Variants in SLC36A1 observed in about 807,000 individuals in gnomAD.
The protein encoded by SLC36A1 is solute carrier family 36 member 1.
In SLC36A1, 30 loss-of-function variants were observed where a neutral mutation model predicts 47.5. That is an observed-to-expected ratio of 0.63 (90% CI 0.47 to 0.86). The LOEUF (loss-of-function observed/expected upper bound fraction) is 0.86. Ranked by LOEUF, SLC36A1 falls within the 40% of genes least tolerant of loss-of-function variation. SLC36A1 has a pLI of 0.00. For missense variants in SLC36A1, 517 were observed against 606.0 expected (o/e 0.85, Z 1.54); for synonymous variants, 255 against 249.7 (o/e 1.02, Z -0.20).
chr5:151,381,146 G>A, the SLC36A1 span: 1 of 478,998 alleles, frequency 2.1e-6, no homozygotes. Context: ...GGATGAGCTG[G>A]CCATGGCTGT....
chr5:151,390,362 A>G, the SLC36A1 span, among the ~76,000 whole-genome samples: 1 of 152,136 alleles, frequency 6.6e-6, no homozygotes, highest in African/African-American at 2.4e-5. Flanking sequence ...AGGTTGCCTG[A>G]TCACTCTGAC....
chr5:151,451,631 A>G (rs1753674711), intron 1 of SLC36A1, among the ~76,000 whole-genome samples: 1 of 152,222 alleles, frequency 6.6e-6, no homozygotes, highest in African/African-American at 2.4e-5. Context: ...TCCAGGCAAC[A>G]TATCTAACAT....
At chr5:151,381,105 C>A in the SLC36A1 span, 1 of 500,246 alleles carries the variant, frequency 2.0e-6, no homozygotes, top group Non-Finnish European at 3.7e-6. Flanking sequence ...ACCACCTCTG[C>A]CATCCTCCAG....
At chr5:151,433,996 A>G (rs1759623077), upstream of SLC36A1, among the ~76,000 whole-genome samples, 1 of 152,194 alleles carries the variant, frequency 6.6e-6, no homozygotes, top group Non-Finnish European at 1.5e-5. Context: ...TCTGTTCCAC[A>G]GTCTACTTCA....
chr5:151,447,355 T>G (rs2127445191), upstream of SLC36A1, among the ~76,000 whole-genome samples: 1 of 152,326 alleles, frequency 6.6e-6, no homozygotes, highest in East Asian at 1.9e-4. Flanking sequence ...TAGCAATATT[T>G]CACAAACCCA....
intron 9 of SLC36A1, 170 bp downstream of exon 9, chr5:151,476,926 T>C (rs1758144230): frequency 6.0e-6 from 5 of 838,490 alleles, no homozygotes; most frequent in African/African-American, 1.7e-5. Context: ...GCATTCTGTT[T>C]GGGGAATTCA....
At chr5:151,537,989 C>T in the SLC36A1 span, 7 of 1,577,110 alleles carry the variant, frequency 4.4e-6, no homozygotes, top group Non-Finnish European at 6.1e-6. Flanking sequence ...GTGGGGACTG[C>T]ATTCAGATCC....
the SLC36A1 span, among the ~76,000 whole-genome samples, chr5:151,371,848 CT>C: frequency 6.6e-6 from 1 of 152,018 alleles, no homozygotes; most frequent in African/African-American, 2.4e-5. Context: ...CTTGGTTTTT[CT>C]TTTCAGGTTT....
At chr5:151,522,490 G>A in the SLC36A1 span, among the ~76,000 whole-genome samples, 1 of 152,322 alleles carries the variant, frequency 6.6e-6, no homozygotes, top group Non-Finnish European at 1.5e-5. Flanking sequence ...ACCCTGCTCA[G>A]CCTACGAAAA....
chr5:151,553,505 C>G, the SLC36A1 span: 2 of 854,310 alleles, frequency 2.3e-6, no homozygotes, highest in Non-Finnish European at 3.8e-6. Context: ...CTCATCCAGT[C>G]ATTCATTCAT....
chr5:151,454,083 A>AT (rs35097474), intron 1 of SLC36A1, among the ~76,000 whole-genome samples: 18,616 of 87,580 alleles, frequency 0.21, 1,494 homozygotes, highest in Non-Finnish European at 0.25. Flanking sequence ...GTACACTTAA[A>AT]TTTTTTTTTT....
chr5:151,535,888 T>A, the SLC36A1 span, among the ~76,000 whole-genome samples: 1 of 152,166 alleles, frequency 6.6e-6, no homozygotes, highest in African/African-American at 2.4e-5. Context: ...GTCACAGAAG[T>A]CTTCTTTGCT....
chr5:151,411,176 C>T, the SLC36A1 span, among the ~76,000 whole-genome samples: 5 of 144,676 alleles, frequency 3.5e-5, 1 homozygote, highest in Admixed American at 1.4e-4. Flanking sequence ...CAAACCTATC[C>T]GTTGATTCTC....
chr5:151,549,839 A>G, the SLC36A1 span, among the ~76,000 whole-genome samples: 1 of 152,212 alleles, frequency 6.6e-6, no homozygotes, highest in East Asian at 1.9e-4. Flanking sequence ...AAAAAATTAT[A>G]TGGTCACATA....
chr5:151,386,413 C>T, the SLC36A1 span, among the ~76,000 whole-genome samples: 1 of 152,160 alleles, frequency 6.6e-6, no homozygotes, highest in East Asian at 1.9e-4. Flanking sequence ...ATAACTCTGA[C>T]CATTTCTCTA....
At chr5:151,520,930 C>T in the SLC36A1 span, among the ~76,000 whole-genome samples, 10 of 152,204 alleles carry the variant, frequency 6.6e-5, no homozygotes, top group African/African-American at 1.9e-4. Flanking sequence ...AGCTCAAAGG[C>T]ACAGAGAGGT....
chr5:151,469,242 C>T (rs1411964032), intron 7 of SLC36A1: 1 of 700,978 alleles, frequency 1.4e-6, no homozygotes, highest in Non-Finnish European at 2.6e-6. Context: ...CTGTCTCATT[C>T]TAGATCCTGT....
At chr5:151,550,062 G>A in the SLC36A1 span, among the ~76,000 whole-genome samples, 3 of 152,152 alleles carry the variant, frequency 2.0e-5, no homozygotes, top group Admixed American at 6.5e-5. Context: ...GGTCTCAGGT[G>A]TAAGATGAGA....
chr5:151,416,208 C>T, the SLC36A1 span, among the ~76,000 whole-genome samples: 1 of 152,190 alleles, frequency 6.6e-6, no homozygotes, highest in African/African-American at 2.4e-5. Flanking sequence ...GTTCAGAAAC[C>T]ATCTCAGGCA....
Sources: gnomAD v4.1 joint callset for allele counts (sites outside exome capture counted in the v4.1 genomes callset) on GRCh38, gnomAD v4.1.1 for gene constraint, MANE v1.5 for transcripts, NCBI Gene and HGNC (gene_info 2026-07-23, HGNC 2026-07-21) for gene names.